Variants in DENND1A observed in about 807,000 individuals in gnomAD.
The protein encoded by DENND1A is DENN domain containing 1A.
DENND1A carries 51 observed loss-of-function variants against 113.7 expected under a neutral mutation model. The ratio of observed to expected loss-of-function variants is 0.45; its 90% confidence interval spans 0.36 to 0.57. The LOEUF is 0.57. Among genes scored for constraint, DENND1A ranks in the 20% least tolerant of loss-of-function variants. DENND1A has a pLI of 0.00. For missense variants in DENND1A, 1,258 were observed against 1,395.9 expected, an observed-to-expected ratio of 0.90 and a Z score of 1.57; for synonymous variants, 565 against 570.8, an observed-to-expected ratio of 0.99 and a Z score of 0.14.
intron 12 of DENND1A, among the ~76,000 whole-genome samples, chr9:123,564,596 A>T (rs2057944652): frequency 6.6e-6 from 1 of 152,238 alleles, no homozygotes; most frequent in African/African-American, 2.4e-5. Context: ...CCTGCCTAGA[A>T]TTCTGCATTG....
intron 18 of DENND1A, among the ~76,000 whole-genome samples, chr9:123,440,892 AC>A (rs1156674704): frequency 7.9e-5 from 12 of 152,348 alleles, no homozygotes; most frequent in Admixed American, 5.9e-4. Context: ...TCATGTTGTT[AC>A]AAAGTCATTA....
intron 1 of DENND1A, chr9:123,928,591 T>A: frequency 1.0e-6 from 1 of 985,436 alleles, no homozygotes; most frequent in South Asian, 4.7e-5. Context: ...TCCATTTTCA[T>A]TACCATAAGC....
At chr9:123,652,900 GA>G (rs1326377385) in intron 8 of DENND1A, among the ~76,000 whole-genome samples, 6 of 151,704 alleles carry the variant, frequency 4.0e-5, no homozygotes, top group Admixed American at 3.3e-4. Context: ...TCAGATTTCA[GA>G]AAAAAAATGG....
In DENND1A at chr9:123,676,753, A is replaced by T. The variant is rs766473039; in HGVS notation, c.339T>A (p.Leu113=). 1.5e-5 allele frequency: 24 copies of T among 1,613,966 alleles called. No homozygotes were observed. The highest frequency in any genetic ancestry group is 8.5e-7 in the Non-Finnish European group (1 of 1,179,974). Residue 113 remains leucine, a synonymous_variant, in exon 6 of 24, where the codon CTT becomes CTA. Transcript: ENST00000394215. ...TTGTCGTGTAATCTGCCAGGATGTT[A>T]AGCAGCTTATAAAATACCTCGAACC... ...LPWFEVFYKL[L]NILADYTTKR... is the part of the protein sequence containing the mutation.
At chr9:123,486,247 A>G (rs1196314995) in intron 13 of DENND1A, among the ~76,000 whole-genome samples, 1 of 152,142 alleles carries the variant, frequency 6.6e-6, no homozygotes, top group African/African-American at 2.4e-5. Context: ...GGTAAATCCA[A>G]TGAAGGCCCC....
At chr9:123,824,467 T>C (rs747339715) in intron 2 of DENND1A, among the ~76,000 whole-genome samples, 14 of 152,224 alleles carry the variant, frequency 9.2e-5, no homozygotes, top group African/African-American at 1.4e-4. Context: ...TAGTACCTGC[T>C]GGTAAATCAA....
intron 2 of DENND1A, among the ~76,000 whole-genome samples, chr9:123,817,614 T>C (rs926842534): frequency 1.3e-5 from 2 of 152,262 alleles, no homozygotes; most frequent in Non-Finnish European, 1.5e-5. Context: ...TTCTCATGTT[T>C]TCCTAGTTGG....
At chr9:123,822,370 G>C (rs1040988857) in intron 2 of DENND1A, among the ~76,000 whole-genome samples, 2 of 152,104 alleles carry the variant, frequency 1.3e-5, no homozygotes, top group Non-Finnish European at 2.9e-5. Flanking sequence ...TAGTGGAAAA[G>C]GCCATGGTAT....
At chr9:123,765,515 A>G (rs1467761649) in intron 4 of DENND1A, among the ~76,000 whole-genome samples, 1 of 152,170 alleles carries the variant, frequency 6.6e-6, no homozygotes, top group Non-Finnish European at 1.5e-5. Context: ...CCCTGAAAAG[A>G]TTATTTCATT....
At chr9:123,580,407 A>T (rs575032412) in intron 12 of DENND1A, among the ~76,000 whole-genome samples, 1 of 152,354 alleles carries the variant, frequency 6.6e-6, no homozygotes, top group Admixed American at 6.5e-5. Context: ...TGTAATAGAT[A>T]TGTAATTGAC....
chr9:123,436,655 G>A (rs1365978551), intron 19 of DENND1A, among the ~76,000 whole-genome samples: 2 of 152,196 alleles, frequency 1.3e-5, no homozygotes, highest in Non-Finnish European at 2.9e-5. Context: ...AGGCTAACTA[G>A]AAACCTATTT....
intron 2 of DENND1A, among the ~76,000 whole-genome samples, chr9:123,855,462 G>A (rs1289234616): frequency 1.3e-5 from 2 of 152,120 alleles, no homozygotes; most frequent in African/African-American, 2.4e-5. Flanking sequence ...GTACAGAAAA[G>A]AGAAAGACCA....
At chr9:123,865,727 TC>T (rs146230733) in intron 2 of DENND1A, among the ~76,000 whole-genome samples, 11,692 of 152,170 alleles carry the variant, frequency 0.077, 741 homozygotes, top group African/African-American at 0.17. Context: ...ATTATCATCA[TC>T]CCCATTTATC....
chr9:123,669,651 G>A (rs1332490918), intron 7 of DENND1A, among the ~76,000 whole-genome samples: 3 of 152,192 alleles, frequency 2.0e-5, no homozygotes, highest in Non-Finnish European at 4.4e-5. Flanking sequence ...ATGTCATTAC[G>A]GACTGAAGTG....
intron 2 of DENND1A, among the ~76,000 whole-genome samples, chr9:123,858,142 C>T (rs915323246): frequency 2.6e-5 from 4 of 151,746 alleles, no homozygotes; most frequent in Non-Finnish European, 5.9e-5. Context: ...AATCCTTTTG[C>T]TTTAAAGAAC....
At chr9:123,443,235 T>G (rs1371791920) in intron 18 of DENND1A, among the ~76,000 whole-genome samples, 1 of 152,142 alleles carries the variant, frequency 6.6e-6, no homozygotes, top group Non-Finnish European at 1.5e-5. Context: ...TATTCTGAAT[T>G]AAGGAGCTGC....
intron 10 of DENND1A, among the ~76,000 whole-genome samples, chr9:123,623,460 A>G (rs2138319756): frequency 6.6e-6 from 1 of 152,278 alleles, no homozygotes; most frequent in African/African-American, 2.4e-5. Context: ...TACATAGTTA[A>G]TAAGAGATAA....
chr9:123,699,696 T>TC (rs1564972992), intron 5 of DENND1A, among the ~76,000 whole-genome samples: 41 of 146,638 alleles, frequency 2.8e-4, no homozygotes, highest in Admixed American at 2.0e-4. Flanking sequence ...TTCTTTTTTT[T>TC]TTTTTTTTTT....
intron 5 of DENND1A, among the ~76,000 whole-genome samples, chr9:123,732,014 G>T (rs1425931201): frequency 1.3e-5 from 2 of 152,130 alleles, no homozygotes; most frequent in African/African-American, 4.8e-5. Context: ...AATCACAATA[G>T]CTCCTACTAC....
Sources: allele counts gnomAD v4.1 joint callset (sites outside exome capture counted in the v4.1 genomes callset), GRCh38; gene constraint gnomAD v4.1.1; transcripts MANE v1.5; gene names NCBI Gene and HGNC (gene_info 2026-07-23, HGNC 2026-07-21).